Variants in DENND1A observed in about 807,000 individuals in gnomAD.
DENND1A encodes DENN domain containing 1A.
In DENND1A, 51 loss-of-function variants were observed where a neutral mutation model predicts 113.7. The ratio of observed to expected loss-of-function variants is 0.45; its 90% CI spans 0.36 to 0.57. DENND1A has a LOEUF of 0.57. Ranked by LOEUF, DENND1A falls within the 20% of genes least tolerant of loss-of-function variation. The pLI, the probability that DENND1A is intolerant of heterozygous loss-of-function variation, is 0.00. For missense variants in DENND1A, 1,258 were observed against 1,395.9 expected (o/e 0.90, Z 1.57); for synonymous variants, 565 against 570.8 (o/e 0.99, Z 0.14).
intron 13 of DENND1A, among the ~76,000 whole-genome samples, chr9:123,465,428 G>T (rs79938225): frequency 0.052 from 7,848 of 150,370 alleles, 297 homozygotes; most frequent in Middle Eastern, 0.12. Context: ...TGGGTGGAAA[G>T]ACCTGCATTT....
intron 2 of DENND1A, among the ~76,000 whole-genome samples, chr9:123,801,941 A>C (rs2489160): frequency 0.086 from 13,147 of 152,270 alleles, 980 homozygotes; most frequent in African/African-American, 0.2. Flanking sequence ...AAATGTGACC[A>C]ATTGTATATT....
chr9:123,523,491 A>T (rs1447235525), intron 13 of DENND1A, among the ~76,000 whole-genome samples: 1 of 152,226 alleles, frequency 6.6e-6, no homozygotes, highest in East Asian at 1.9e-4. Context: ...AACCTGTAGT[A>T]TTTGTGTGTT....
In DENND1A at chr9:123,558,393, C is replaced by T. The variant is rs145946315; in HGVS notation, c.868-698G>A. 4.0e-3 allele frequency among the ~76,000 whole-genome samples: 612 copies of T among 152,266 alleles called. 2 individuals are homozygous for T. Among genetic ancestry groups the T allele is most frequent in the African/African-American group, 0.014 (589 of 41,544 alleles). ...TCATACTCTAAAGGAAGTGTGGCAG[C>T]TTATACTAATAGACATGTACTCAAG... On this transcript the variant is annotated intron_variant, in intron 12 of 23. Transcript: ENST00000394215.
chr9:123,845,570 G>A (rs866586104), intron 2 of DENND1A, among the ~76,000 whole-genome samples: 13 of 150,622 alleles, frequency 8.6e-5, no homozygotes, highest in Admixed American at 3.3e-4. Context: ...CTTGCAAAGC[G>A]GAGGTGGGAA....
chr9:123,396,878 A>G (rs1472939951), intron 21 of DENND1A, among the ~76,000 whole-genome samples: 6 of 152,218 alleles, frequency 3.9e-5, no homozygotes, highest in African/African-American at 1.4e-4. Context: ...ATAAGGTGGT[A>G]CAATTCTTCA....
Position 123,792,707 on chromosome 9 carries a change from C to T in DENND1A, c.89-77G>A. The T allele has an allele frequency of 2.6e-6, 4 of 1,538,534 alleles. No homozygotes were observed. In the South Asian group the frequency reaches 4.7e-5, roughly 18 times the overall value. On this transcript the variant is annotated intron_variant, in intron 2 of 23. Coordinates refer to ENST00000394215, the MANE Select transcript of DENND1A (RefSeq NM_001352964.2). ...AGAGGATCACACATTAATATTTGAT[C>T]AGAAGATGATAGCAGCCCTGGCAGG...
At chr9:123,869,305 C>T (rs964101096) in intron 2 of DENND1A, among the ~76,000 whole-genome samples, 2 of 152,196 alleles carry the variant, frequency 1.3e-5, no homozygotes, top group African/African-American at 4.8e-5. Flanking sequence ...ATAATCTCTG[C>T]GCTCATGGAG....
At chr9:123,597,106 C>G (rs2059729382) in intron 11 of DENND1A, among the ~76,000 whole-genome samples, 1 of 152,192 alleles carries the variant, frequency 6.6e-6, no homozygotes, top group Admixed American at 6.5e-5. Context: ...TCCTCCCACA[C>G]AACTGCCACT....
intron 2 of DENND1A, among the ~76,000 whole-genome samples, chr9:123,834,743 C>T (rs766597735): frequency 9.9e-5 from 15 of 152,156 alleles, no homozygotes; most frequent in Non-Finnish European, 2.1e-4. Flanking sequence ...TATAGTAAGT[C>T]TACAAAGCAT....
At chr9:123,832,990 C>G (rs769718091) in intron 2 of DENND1A, among the ~76,000 whole-genome samples, 2 of 151,760 alleles carry the variant, frequency 1.3e-5, no homozygotes, top group East Asian at 3.9e-4. Flanking sequence ...TCCGGGGGAG[C>G]GGTCCATGCC....
intron 12 of DENND1A, among the ~76,000 whole-genome samples, chr9:123,582,170 G>A (rs1312897853): frequency 2.6e-5 from 4 of 152,132 alleles, no homozygotes; most frequent in Admixed American, 6.5e-5. Flanking sequence ...AAAAAATGTA[G>A]GTTTGAAGTA....
chr9:123,650,906 CAA>C (rs76905879), intron 9 of DENND1A, among the ~76,000 whole-genome samples: 2,942 of 35,336 alleles, frequency 0.083, 30 homozygotes, highest in African/African-American at 0.2. Flanking sequence ...GACTCTGTCT[CAA>C]AAAAAAAAAA....
At position 123,699,688 on chromosome 9, in the gene DENND1A, C is replaced by T. The variant is rs1275175932; in HGVS notation, c.303-22899G>A. On this transcript the variant is annotated intron_variant, in intron 5 of 23. Coordinates refer to ENST00000394215, the MANE Select transcript of DENND1A (RefSeq NM_001352964.2). Reference sequence around the variant, plus strand: ...TAGACTACCCTTTCATTCTTTCTTTCTTTTTTTTTTTTTTTTTTTTTTTAT... The same window carrying T: ...TAGACTACCCTTTCATTCTTTCTTTTTTTTTTTTTTTTTTTTTTTTTTTAT... 1.8e-4 allele frequency among the ~76,000 whole-genome samples: 20 copies of T among 112,412 alleles called. No homozygotes were observed. The East Asian group carries it at 3.5e-3, about 20-fold the overall frequency. 73.7% of individuals were successfully genotyped at this position (112,412 alleles called of 152,430 possible).
At chr9:123,927,097 A>G (rs150839351) in intron 1 of DENND1A, among the ~76,000 whole-genome samples, 62 of 152,288 alleles carry the variant, frequency 4.1e-4, no homozygotes, top group African/African-American at 1.3e-3. Flanking sequence ...CCACCACTGG[A>G]CAGTAGTGAG....
intron 19 of DENND1A, among the ~76,000 whole-genome samples, chr9:123,434,983 G>C (rs1192613162): frequency 6.6e-6 from 1 of 152,220 alleles, no homozygotes; most frequent in African/African-American, 2.4e-5. Context: ...GGATGAAGTA[G>C]TGTTCAGGGG....
intron 13 of DENND1A, among the ~76,000 whole-genome samples, chr9:123,473,696 C>T (rs537702552): frequency 1.1e-4 from 17 of 152,296 alleles, no homozygotes; most frequent in Middle Eastern, 3.4e-3. Flanking sequence ...CCACAACTTT[C>T]GGCCTGTTCC....
At chr9:123,689,622 T>A (rs1221344920) in intron 5 of DENND1A, among the ~76,000 whole-genome samples, 1 of 151,950 alleles carries the variant, frequency 6.6e-6, no homozygotes, top group East Asian at 1.9e-4. Context: ...CAACAGAAAA[T>A]TATATTTTAG....
chr9:123,751,520 C>T (rs905695925), intron 5 of DENND1A: 1 of 152,218 alleles, frequency 6.6e-6, no homozygotes, highest in African/African-American at 2.4e-5. Context: ...GCACATTTCA[C>T]ATTCAAAAAA....
intron 4 of DENND1A, among the ~76,000 whole-genome samples, chr9:123,767,706 G>A (rs2131594796): frequency 6.6e-6 from 1 of 152,148 alleles, no homozygotes; most frequent in East Asian, 1.9e-4. Flanking sequence ...GGAAGACAGA[G>A]GTTTAATCTC....
Sources: allele counts gnomAD v4.1 joint callset (sites outside exome capture counted in the v4.1 genomes callset), GRCh38; gene constraint gnomAD v4.1.1; transcripts MANE v1.5; gene names NCBI Gene and HGNC (gene_info 2026-07-23, HGNC 2026-07-21).